The following CTNNBL1 variants were observed in gnomAD, a reference collection of about 807,000 sequenced individuals.
The protein encoded by CTNNBL1 is beta-catenin-like protein 1.
In CTNNBL1, 31 loss-of-function variants were observed where a neutral mutation model predicts 72.7. That is an observed-to-expected ratio of 0.43 (90% confidence interval 0.32 to 0.58). The LOEUF (loss-of-function observed/expected upper bound fraction) is 0.58. CTNNBL1 is among the 20% of genes least tolerant of loss of function. The pLI is 0.08. For synonymous variants in CTNNBL1, 240 were observed against 267.3 expected (o/e 0.90, Z 1.00); for missense variants, 534 against 725.1 (o/e 0.74, Z 3.03).
intron 1 of CTNNBL1, among the ~76,000 whole-genome samples, chr20:37,722,261 G>A (rs763532617): frequency 3.3e-5 from 5 of 152,092 alleles, no homozygotes; most frequent in Non-Finnish European, 7.4e-5. Flanking sequence ...ATCATTTGAG[G>A]TCAGGAGTTT....
At chr20:37,725,877 A>G (rs192527442) in intron 1 of CTNNBL1, among the ~76,000 whole-genome samples, 1 of 151,920 alleles carries the variant, frequency 6.6e-6, no homozygotes, top group African/African-American at 2.4e-5. Flanking sequence ...CCAGCTACTT[A>G]GGAGGTTGAG....
At chr20:37,816,689 C>T (rs2072062437) in intron 11 of CTNNBL1, among the ~76,000 whole-genome samples, 1 of 152,018 alleles carries the variant, frequency 6.6e-6, no homozygotes, top group South Asian at 2.1e-4. Context: ...ACTTTCCTTC[C>T]TTGTCCCTGG....
At chr20:37,746,185 G>A (rs1300204779) in intron 3 of CTNNBL1, among the ~76,000 whole-genome samples, 3 of 152,288 alleles carry the variant, frequency 2.0e-5, no homozygotes, top group South Asian at 2.1e-4. Context: ...TGGAAAGATC[G>A]TTTAGTGCTA....
intron 10 of CTNNBL1, among the ~76,000 whole-genome samples, chr20:37,794,546 G>A (rs1449446506): frequency 6.6e-6 from 1 of 152,176 alleles, no homozygotes; most frequent in Admixed American, 6.5e-5. Context: ...AAGCTGGAGT[G>A]CAGTGGTGCG....
rs191283261 is a variant in CTNNBL1 at position 37,755,082 on chromosome 20, T to C, written c.467-2477T>C. On this transcript the variant is annotated intron_variant, in intron 4 of 15. Coordinates refer to ENST00000361383, the MANE Select transcript of CTNNBL1 (RefSeq NM_030877.5). The stretch of plus-strand genomic sequence containing the variant: ...TCGGCCTCCCAAAGTGCTAGAATTA[T>C]AGGCATGAGCCACCACAGGCCAGAG... Among the ~76,000 whole-genome samples the C allele has an allele frequency of 1.7e-4, 26 of 152,276 alleles. 1 individual carries two copies. In the South Asian group the frequency reaches 4.8e-3, roughly 28 times the overall value.
chr20:37,798,060 G>A (rs55809653), intron 10 of CTNNBL1, among the ~76,000 whole-genome samples: 1,633 of 152,188 alleles, frequency 0.011, 24 homozygotes, highest in African/African-American at 0.038. Context: ...GTAGGACTTA[G>A]CTTTTCTCAG....
intron 10 of CTNNBL1, among the ~76,000 whole-genome samples, chr20:37,788,887 G>T (rs1016412408): frequency 6.6e-6 from 1 of 152,122 alleles, no homozygotes; most frequent in Non-Finnish European, 1.5e-5. Context: ...AGTTTTCCCT[G>T]TCACACAGGT....
intron 7 of CTNNBL1, among the ~76,000 whole-genome samples, chr20:37,771,565 T>G (rs543561178): frequency 7.1e-6 from 1 of 141,066 alleles, no homozygotes; most frequent in African/African-American, 2.5e-5. Flanking sequence ...ACCTTTTAGA[T>G]ACCTTTTTTT....
chr20:37,696,479 T>C (rs1002423479), intron 1 of CTNNBL1, among the ~76,000 whole-genome samples: 2 of 149,824 alleles, frequency 1.3e-5, no homozygotes, highest in African/African-American at 4.9e-5. Flanking sequence ...GTTTCACTCT[T>C]GTTGCCCAGG....
At chr20:37,707,482 A>G (rs1400834078) in intron 1 of CTNNBL1, among the ~76,000 whole-genome samples, 1 of 152,214 alleles carries the variant, frequency 6.6e-6, no homozygotes, top group Admixed American at 6.5e-5. Flanking sequence ...AGCCTCTGCT[A>G]GCTTCAAACT....
chr20:37,756,965 C>G (rs2073370974), intron 4 of CTNNBL1: 1 of 152,278 alleles, frequency 6.6e-6, no homozygotes, highest in Admixed American at 6.5e-5. Flanking sequence ...ACTTCCCTTT[C>G]CTTTTCCTAT....
chr20:37,778,408 A>T (rs991892230), intron 9 of CTNNBL1, among the ~76,000 whole-genome samples: 1 of 152,204 alleles, frequency 6.6e-6, no homozygotes, highest in Non-Finnish European at 1.5e-5. Context: ...TGGTGCCAGC[A>T]GCCTGAGTGT....
intron 15 of CTNNBL1, among the ~76,000 whole-genome samples, chr20:37,864,421 C>G (rs1442941886): frequency 3.9e-5 from 6 of 152,102 alleles, no homozygotes; most frequent in African/African-American, 7.2e-5. Flanking sequence ...CCCTTGAGGT[C>G]TCAGGAAAAC....
At chr20:37,801,087 G>C (rs1036112950) in intron 10 of CTNNBL1, among the ~76,000 whole-genome samples, 2 of 152,086 alleles carry the variant, frequency 1.3e-5, no homozygotes, top group Admixed American at 6.5e-5. Flanking sequence ...ATTTCTCTTT[G>C]TCTCCTGCCT....
chr20:37,812,855 T>C (rs2122755627), intron 11 of CTNNBL1, among the ~76,000 whole-genome samples: 1 of 152,212 alleles, frequency 6.6e-6, no homozygotes, highest in South Asian at 2.1e-4. Context: ...TAGAAGGAAG[T>C]ATGAGGCGCT....
At chr20:37,859,813 T>C (rs2072474732) in intron 13 of CTNNBL1, 86 bp from the exon 14 acceptor site, 1 of 1,354,186 alleles carries the variant, frequency 7.4e-7, no homozygotes, top group Admixed American at 2.0e-5. Flanking sequence ...TTGCTATTGT[T>C]GTGTGTATTA....
intron 1 of CTNNBL1, among the ~76,000 whole-genome samples, chr20:37,694,578 C>A (rs765856841): frequency 9.2e-5 from 14 of 152,226 alleles, no homozygotes; most frequent in South Asian, 2.1e-4. Context: ...CATTCCCCCC[C>A]TCTTTGAACC....
At chr20:37,742,185 C>G (rs1470183376) in intron 3 of CTNNBL1, among the ~76,000 whole-genome samples, 2 of 152,170 alleles carry the variant, frequency 1.3e-5, no homozygotes, top group Admixed American at 1.3e-4. Context: ...GTTTCCACAT[C>G]CCTCCTAAAA....
chr20:37,767,207 G>A (rs528946343), intron 6 of CTNNBL1, among the ~76,000 whole-genome samples: 1 of 152,232 alleles, frequency 6.6e-6, no homozygotes, highest in East Asian at 1.9e-4. Flanking sequence ...CGGATTGGAA[G>A]GGGGGCTGAA....
Sources: gnomAD v4.1 joint callset for allele counts (sites outside exome capture counted in the v4.1 genomes callset) on GRCh38, gnomAD v4.1.1 for gene constraint, MANE v1.5 for transcripts, NCBI Gene and HGNC (gene_info 2026-07-23, HGNC 2026-07-21) for gene names.